The following ANXA8 variants were observed in gnomAD, a reference collection of about 807,000 sequenced individuals.
ANXA8 encodes the protein VAC-beta.
In ANXA8, 9 loss-of-function variants were observed where a neutral mutation model predicts 26.8. The observed-to-expected ratio is 0.34, with a 90% CI of 0.20 to 0.59. ANXA8 has a LOEUF of 0.59. Ranked by LOEUF, ANXA8 falls within the 20% of genes least tolerant of loss-of-function variation. ANXA8 has a pLI of 0.84. For missense variants in ANXA8, 83 were observed against 238.5 expected (o/e 0.35, Z 4.29); for synonymous variants, 39 against 94.8 (o/e 0.41, Z 3.42).
At chr10:47,649,224 C>A in the ANXA8 span, among the ~76,000 whole-genome samples, 1 of 149,906 alleles carries the variant, frequency 6.7e-6, no homozygotes, top group Admixed American at 6.6e-5. Flanking sequence ...CATGTTATTG[C>A]CCTCATCATA....
chr10:47,900,352 G>T, the ANXA8 span, among the ~76,000 whole-genome samples: 1 of 151,784 alleles, frequency 6.6e-6, no homozygotes. Flanking sequence ...AAGATGAGAG[G>T]TATATCTCTT....
chr10:47,679,005 T>A, the ANXA8 span, among the ~76,000 whole-genome samples: 1 of 104,978 alleles, frequency 9.5e-6, no homozygotes, highest in Non-Finnish European at 1.8e-5. Flanking sequence ...ATCATGCCAC[T>A]ACACTACAGC....
At chr10:47,676,627 T>C in the ANXA8 span, among the ~76,000 whole-genome samples, 1 of 151,786 alleles carries the variant, frequency 6.6e-6, no homozygotes, top group Admixed American at 6.6e-5. Flanking sequence ...CCCATCTCTA[T>C]TTAAAAAAGA....
chr10:47,666,827 C>T, the ANXA8 span, among the ~76,000 whole-genome samples: 1 of 151,922 alleles, frequency 6.6e-6, no homozygotes, highest in East Asian at 1.9e-4. Flanking sequence ...TCATAGGTAA[C>T]CATCCTCAAC....
the ANXA8 span, among the ~76,000 whole-genome samples, chr10:47,957,630 G>T: frequency 1.3e-5 from 2 of 149,442 alleles, no homozygotes; most frequent in Admixed American, 1.3e-4. Context: ...TGGTTTAAAA[G>T]AACAGAAATT....
chr10:47,484,363 C>A (rs3006278), upstream of ANXA8: 2 of 826,528 alleles, frequency 2.4e-6, no homozygotes, highest in Non-Finnish European at 3.8e-6. Context: ...GGATTACAGG[C>A]ATGAGCCACC....
the ANXA8 span, chr10:47,564,627 C>T: frequency 9.3e-6 from 3 of 324,286 alleles, 1 homozygote; most frequent in South Asian, 3.8e-5. Context: ...GCCATCATCA[C>T]GGGGGGCTTC....
chr10:47,685,990 T>C, the ANXA8 span, among the ~76,000 whole-genome samples: 1 of 149,642 alleles, frequency 6.7e-6, no homozygotes. Flanking sequence ...GTAAGGCAAT[T>C]AGGGCAGCTT....
At chr10:47,502,608 G>T in the ANXA8 span, 1 of 1,573,372 alleles carries the variant, frequency 6.4e-7, no homozygotes, top group Non-Finnish European at 8.7e-7. Context: ...TGCCAAAACT[G>T]CGGTGGATAC....
chr10:47,688,440 G>C, the ANXA8 span, among the ~76,000 whole-genome samples: 1 of 145,004 alleles, frequency 6.9e-6, no homozygotes, highest in Non-Finnish European at 1.5e-5. Context: ...TTTTTTTTTT[G>C]AGATGGAGTC....
At chr10:47,502,568 G>T in the ANXA8 span, 2 of 1,610,936 alleles carry the variant, frequency 1.2e-6, no homozygotes, top group Non-Finnish European at 1.7e-6. Flanking sequence ...CAGTCATCCA[G>T]CTCCAGAGAT....
the ANXA8 span, among the ~76,000 whole-genome samples, chr10:47,567,054 T>G: frequency 6.9e-6 from 1 of 144,036 alleles, no homozygotes; most frequent in Non-Finnish European, 1.5e-5. Flanking sequence ...CAGGCAGGAC[T>G]TGGAAACCAG....
At chr10:47,509,058 G>T in the ANXA8 span, among the ~76,000 whole-genome samples, 2 of 135,242 alleles carry the variant, frequency 1.5e-5, 1 homozygote, top group East Asian at 5.7e-4. Context: ...TCTCAAACTT[G>T]CTGGTGGCAA....
the ANXA8 span, among the ~76,000 whole-genome samples, chr10:47,953,856 C>A: frequency 6.6e-6 from 1 of 150,534 alleles, no homozygotes; most frequent in Admixed American, 6.6e-5. Flanking sequence ...CATGTCAACC[C>A]GGTTAAAGTG....
At chr10:47,626,118 T>G in the ANXA8 span, among the ~76,000 whole-genome samples, 2 of 150,518 alleles carry the variant, frequency 1.3e-5, no homozygotes, top group South Asian at 4.1e-4. Flanking sequence ...TGGACAATTA[T>G]ATGTTATTTG....
the ANXA8 span, among the ~76,000 whole-genome samples, chr10:47,730,659 T>C: frequency 2.7e-5 from 4 of 150,474 alleles, no homozygotes; most frequent in Non-Finnish European, 6.0e-5. Flanking sequence ...TCTGGAGAAA[T>C]GATCTACCAG....
chr10:47,568,265 G>C, the ANXA8 span, among the ~76,000 whole-genome samples: 1 of 54,216 alleles, frequency 1.8e-5, no homozygotes, highest in Non-Finnish European at 3.7e-5. Flanking sequence ...GACCGCAGGT[G>C]ATCTGCCCAC....
chr10:47,553,770 G>C, the ANXA8 span, among the ~76,000 whole-genome samples: 9 of 149,864 alleles, frequency 6.0e-5, no homozygotes, highest in African/African-American at 2.0e-4. Flanking sequence ...CTTGCACCTC[G>C]CTCGCGGAGT....
chr10:47,760,673 G>T, the ANXA8 span: 1 of 590,070 alleles, frequency 1.7e-6, no homozygotes, highest in African/African-American at 1.9e-5. Context: ...GTCCCTGGGT[G>T]GTCCCTGGCA....
Sources: gnomAD v4.1 joint callset for allele counts (sites outside exome capture counted in the v4.1 genomes callset) on GRCh38, gnomAD v4.1.1 for gene constraint, MANE v1.5 for transcripts, NCBI Gene and HGNC (gene_info 2026-07-23, HGNC 2026-07-21) for gene names.